Variants in DLG2 observed in about 807,000 individuals in gnomAD.
The protein encoded by DLG2 is disks large homolog 2.
Under a neutral mutation model 132.5 loss-of-function variants are expected in DLG2, and 45 were observed. The observed-to-expected ratio is 0.34, with a 90% CI of 0.27 to 0.44. DLG2 has a LOEUF of 0.44. Ranked by LOEUF, DLG2 falls within the 20% of genes least tolerant of loss-of-function variation. DLG2 has a pLI of 1.00. For missense variants in DLG2, 1,045 were observed against 1,196.9 expected, an observed-to-expected ratio of 0.87 and a Z score of 1.87; for synonymous variants, 424 against 419.6, an observed-to-expected ratio of 1.01 and a Z score of -0.13.
intron 6 of DLG2, among the ~76,000 whole-genome samples, chr11:84,884,317 T>C (rs2087864656): frequency 7.2e-6 from 1 of 138,364 alleles, no homozygotes. Flanking sequence ...GATGGATTTG[T>C]CTAAATGTAA....
chr11:84,051,162 T>A (rs1386647946), intron 11 of DLG2, among the ~76,000 whole-genome samples: 2 of 151,920 alleles, frequency 1.3e-5, no homozygotes, highest in African/African-American at 2.4e-5. Flanking sequence ...AGGAACACTT[T>A]TACACTGTTG....
At chr11:84,404,433 T>A (rs929812656) in intron 7 of DLG2, among the ~76,000 whole-genome samples, 1 of 152,140 alleles carries the variant, frequency 6.6e-6, no homozygotes, top group Non-Finnish European at 1.5e-5. Flanking sequence ...ACCTACCTTT[T>A]CATTGCAGTA....
intron 14 of DLG2, among the ~76,000 whole-genome samples, chr11:83,958,402 A>G (rs548605649): frequency 1.3e-5 from 2 of 152,286 alleles, no homozygotes; most frequent in South Asian, 4.1e-4. Flanking sequence ...TTTTTAATGA[A>G]CTAAATGATG....
At chr11:84,356,172 C>G (rs1024448911) in intron 7 of DLG2, among the ~76,000 whole-genome samples, 3 of 152,102 alleles carry the variant, frequency 2.0e-5, no homozygotes, top group Non-Finnish European at 4.4e-5. Context: ...GTGGGGAAAG[C>G]AGTCCACTTT....
rs2064677964 is a variant in DLG2 at position 84,741,546 on chromosome 11, T to C, written c.358-206815A>G. ...CTCTCAGCCTAGACCACTGAGATAC[T>C]CACAAACATCACTAGTGTGAATTAC... On this transcript the variant is annotated intron_variant, in intron 6 of 27. Coordinates refer to ENST00000376104, the MANE Select transcript of DLG2 (RefSeq NM_001142699.3). 2.6e-5 allele frequency among the ~76,000 whole-genome samples: 4 copies of C among 151,342 alleles called. No individual in the cohort carries two copies. In the South Asian group the frequency reaches 8.4e-4, roughly 32 times the overall value.
intron 6 of DLG2, among the ~76,000 whole-genome samples, chr11:85,024,454 T>G (rs1186296583): frequency 6.6e-6 from 1 of 152,220 alleles, no homozygotes; most frequent in Non-Finnish European, 1.5e-5. Flanking sequence ...GTGACTTTTT[T>G]CCTCAGAATT....
intron 11 of DLG2, among the ~76,000 whole-genome samples, chr11:84,030,584 G>A (rs2095664266): frequency 1.3e-5 from 2 of 152,104 alleles, no homozygotes; most frequent in South Asian, 4.1e-4. Context: ...TCTCTTAAAG[G>A]GGAAGAGAGA....
intron 7 of DLG2, among the ~76,000 whole-genome samples, chr11:84,390,539 G>C (rs925230048): frequency 1.3e-5 from 2 of 152,126 alleles, no homozygotes; most frequent in African/African-American, 4.8e-5. Context: ...AACTGTATGA[G>C]TTTCGAATGG....
intron 18 of DLG2, among the ~76,000 whole-genome samples, chr11:83,736,966 T>C (rs1231115618): frequency 6.6e-6 from 1 of 152,168 alleles, no homozygotes; most frequent in Non-Finnish European, 1.5e-5. Flanking sequence ...ATCTACACAA[T>C]CTGAAAAGCA....
chr11:84,975,488 A>ATTTC (rs2054766968), intron 6 of DLG2, among the ~76,000 whole-genome samples: 2 of 152,214 alleles, frequency 1.3e-5, no homozygotes, highest in Admixed American at 1.3e-4. Context: ...ACATTTTGTG[A>ATTTC]TCATGAGAAA....
rs531246354 is a variant in DLG2 at position 85,226,248 on chromosome 11, G to GTGGATGGA, written c.186+58964_186+58971dup. Among the ~76,000 whole-genome samples the GTGGATGGA allele has an allele frequency of 2.4e-3, 361 of 150,142 alleles. 3 individuals are homozygous for GTGGATGGA. Among genetic ancestry groups the GTGGATGGA allele is most frequent in the African/African-American group, 8.6e-3 (355 of 41,280 alleles). On this transcript the variant is annotated intron_variant, in intron 4 of 27. Coordinates refer to ENST00000376104, the MANE Select transcript of DLG2 (RefSeq NM_001142699.3). ...TAGAGCACATTTATTAGACATGTGG[G>GTGGATGGA]TGGATGGATGGATGGATGGATGGAT...
intron 17 of DLG2, among the ~76,000 whole-genome samples, chr11:83,818,410 G>A (rs182927204): frequency 1.3e-5 from 2 of 152,254 alleles, no homozygotes. Context: ...ACCTGGTGAG[G>A]TTTTGCCTTT....
rs145984349 is a variant in DLG2 at position 85,361,686 on chromosome 11, C to T, written c.41-76321G>A. The stretch of plus-strand genomic sequence containing the variant: ...AGTATCCACAGCATGTGCGTATATA[C>T]GCTGTTTTGGTCACTATAGCCTTGT... On this transcript the variant is annotated intron_variant, in intron 3 of 27. Transcript: ENST00000376104. 2.1e-4 allele frequency among the ~76,000 whole-genome samples: 32 copies of T among 152,276 alleles called. 1 individual carries two copies. Among genetic ancestry groups the T allele is most frequent in the South Asian group, 6.2e-4 (3 of 4,832 alleles).
intron 7 of DLG2, among the ~76,000 whole-genome samples, chr11:84,372,529 C>T (rs1429047063): frequency 1.3e-5 from 2 of 152,182 alleles, no homozygotes; most frequent in African/African-American, 4.8e-5. Flanking sequence ...TTCCCATGAA[C>T]TATCTGTGCA....
intron 17 of DLG2, among the ~76,000 whole-genome samples, chr11:83,797,935 A>C (rs1169571802): frequency 6.6e-6 from 1 of 152,202 alleles, no homozygotes; most frequent in East Asian, 1.9e-4. Context: ...AAAATTGAGA[A>C]ATATTATTTT....
At chr11:85,422,467 A>G (rs889271608) in intron 3 of DLG2, among the ~76,000 whole-genome samples, 1 of 147,904 alleles carries the variant, frequency 6.8e-6, no homozygotes, top group Non-Finnish European at 1.5e-5. Flanking sequence ...TACTTGTTCA[A>G]TTCTATTGTT....
At chr11:85,128,979 T>C (rs1256312037) in intron 5 of DLG2, among the ~76,000 whole-genome samples, 1 of 152,206 alleles carries the variant, frequency 6.6e-6, no homozygotes, top group Non-Finnish European at 1.5e-5. Context: ...TATATCCTTT[T>C]CGAAGATGAA....
At chr11:85,543,179 C>T (rs1425006286) in intron 3 of DLG2, among the ~76,000 whole-genome samples, 1 of 152,136 alleles carries the variant, frequency 6.6e-6, no homozygotes, top group Non-Finnish European at 1.5e-5. Context: ...ATGTTCCCCT[C>T]CCTGTGCCCA....
intron 11 of DLG2, among the ~76,000 whole-genome samples, chr11:84,031,232 TA>T (rs34137957): frequency 0.64 from 88,348 of 138,636 alleles, 27,965 homozygotes; most frequent in East Asian, 0.74. Context: ...TCCAGAAAGG[TA>T]AAAAAAAAAA....
Sources: allele counts gnomAD v4.1 joint callset (sites outside exome capture counted in the v4.1 genomes callset), GRCh38; gene constraint gnomAD v4.1.1; transcripts MANE v1.5; gene names NCBI Gene and HGNC (gene_info 2026-07-23, HGNC 2026-07-21).